NAGLU: variants seen among roughly 807,000 people sequenced by gnomAD.
NAGLU encodes alpha-N-acetylglucosaminidase.
NAGLU carries 34 observed loss-of-function variants against 43.4 expected under a neutral mutation model. That is an observed-to-expected ratio of 0.78 (90% CI 0.60 to 1.04). The LOEUF is 1.04. Among genes scored for constraint, NAGLU ranks in the 50% least tolerant of loss-of-function variants. NAGLU has a pLI of 0.00. For synonymous variants in NAGLU, 425 were observed against 437.6 expected, an observed-to-expected ratio of 0.97 and a Z score of 0.36; for missense variants, 910 against 993.7, an observed-to-expected ratio of 0.92 and a Z score of 1.13.
rs1447306958 is a variant in NAGLU, at chr17:42,543,769, T to C, written c.1763T>C (p.Leu588Pro). The change falls in exon 6 of 6, where the codon CTG becomes CCG. Residue 588 changes from leucine (L) to proline (P), a missense_variant. Leu to Pro is a moderately conservative substitution (Grantham distance 98, BLOSUM62 -3). Coordinates refer to ENST00000225927, the MANE Select transcript of NAGLU (RefSeq NM_000263.4). The part of the protein sequence containing the change: ...EARSAYLSKE[L>P]ASLLRAGGVL... Reference sequence around the variant, plus strand: ...AGAAGCGCCTACCTGAGCAAGGAGCTGGCCTCCCTGTTGAGGGCTGGAGGC... The same window carrying C: ...AGAAGCGCCTACCTGAGCAAGGAGCCGGCCTCCCTGTTGAGGGCTGGAGGC... 4.3e-6 allele frequency: 7 copies of C among 1,610,732 alleles called. No homozygotes were observed. Among genetic ancestry groups the C allele is most frequent in the Non-Finnish European group, 5.9e-6 (7 of 1,179,536 alleles).
chr17:42,539,342 A>C (rs2676535), intron 4 of NAGLU, among the ~76,000 whole-genome samples: 1 of 152,240 alleles, frequency 6.6e-6, no homozygotes, highest in South Asian at 2.1e-4. Flanking sequence ...TGGGAGTGGC[A>C]GCAGGGGTGC....
chr17:42,543,580 T>C lies in NAGLU; in HGVS notation c.1574T>C (p.Met525Thr). ...CTGGTCAGGCGGCCGTCCCTACAGATGAATACCAGCATCTGGTACAACCGA... is the reference window on the plus strand; with the variant it reads ...CTGGTCAGGCGGCCGTCCCTACAGACGAATACCAGCATCTGGTACAACCGA... ...SPLVRRPSLQ[M>T]NTSIWYNRSD... Residue 525 changes from methionine to threonine, a missense_variant, in exon 6 of 6, where the codon ATG becomes ACG. Transcript: ENST00000225927. 6.2e-7 allele frequency: 1 copy of C among 1,612,930 alleles called. No homozygotes were observed. Among genetic ancestry groups the C allele is most frequent in the Non-Finnish European group, 8.5e-7 (1 of 1,179,976 alleles).
At chr17:42,537,155 G>A (rs1254588508) in intron 1 of NAGLU, 2 of 553,914 alleles carry the variant, frequency 3.6e-6, no homozygotes, top group East Asian at 3.3e-5. Context: ...TGGCATGAAA[G>A]TGGAATATGC....
Position 42,540,867 on chromosome 17 carries a change from A to C in NAGLU, c.765-83A>C. The C allele has an allele frequency of 1.9e-6, 3 of 1,596,596 alleles. No individual in the cohort carries two copies. In the South Asian group the frequency reaches 3.3e-5, roughly 18 times the overall value. On this transcript the variant is annotated intron_variant, in intron 4 of 5. Transcript: ENST00000225927. ...AGAGGCAAGAGAAACCAGGAGCTGT[A>C]GAGAAGTTGGCAAGGCTGTTGAACA...
At chr17:42,537,068 T>A (rs945139413) in intron 1 of NAGLU, 7 of 459,922 alleles carry the variant, frequency 1.5e-5, no homozygotes, top group African/African-American at 1.4e-4. Flanking sequence ...TGTCCTCCCC[T>A]GCCCATCTGT....
Position 42,544,165 on chromosome 17 carries a change from G to A in NAGLU, c.2159G>A (p.Arg720Gln), listed in dbSNP as rs774971794. 42 of 1,613,542 alleles carry A rather than the reference G, an allele frequency of 2.6e-5. No homozygotes were observed. The highest frequency in any genetic ancestry group is 1.5e-4 in the Admixed American group (9 of 60,000). ...LSKQRYPSQP[R>Q]GDTVDLAKKI... ...AAGCAGAGGTACCCCAGCCAGCCGC[G>A]AGGAGACACTGTGGACCTGGCCAAG... Residue 720 changes from arginine (R) to glutamine (Q), a missense_variant, in exon 6 of 6, where the codon CGA (arginine) becomes CAA (glutamine). Arg to Gln is a conservative substitution (Grantham distance 43). Coordinates refer to ENST00000225927, the MANE Select transcript of NAGLU (RefSeq NM_000263.4).
intron 1 of NAGLU, chr17:42,537,004 T>C (rs35110933): frequency 0.029 from 13,491 of 457,336 alleles, 1,551 homozygotes; most frequent in African/African-American, 0.24. Context: ...TCCCCCACCC[T>C]ACAGGCCTGT....
rs534242560 is a variant in NAGLU, at chr17:42,541,441, C to T, written c.1021+235C>T. ...ACACCTCGCGCTCCTATTTCCTGGC[C>T]GTGTGACTTATGACTCATGACCTCC... On this transcript the variant is annotated intron_variant, in intron 5 of 5. Coordinates refer to ENST00000225927, the MANE Select transcript of NAGLU (RefSeq NM_000263.4). 3.9e-5 allele frequency among the ~76,000 whole-genome samples: 6 copies of T among 152,298 alleles called. No individual in the cohort carries two copies. The South Asian group carries it at 8.3e-4, about 21-fold the overall frequency.
Position 42,536,554 on chromosome 17 carries a change from C to T in NAGLU, c.282C>T (p.Arg94=), listed in dbSNP as rs866267579. The T allele has an allele frequency of 2.0e-5, 30 of 1,473,840 alleles. No homozygotes were observed. The African/African-American group carries it at 4.0e-4, about 19-fold the overall frequency. The allele number at this position is 1,473,840 out of a possible 1,614,324, so 91.3% of individuals were successfully genotyped here. A position where few individuals can be genotyped will look rare whatever the true frequency, so the allele number is the denominator to read the frequency against. ...AAAAGLHRYL[R]DFCGCHVAWS... ...CCGCGGGGCTGCACCGCTACCTGCG[C>T]GACTTCTGTGGCTGCCACGTGGCCT... is the stretch of plus-strand genomic sequence containing the variant. Residue 94 remains arginine (R), a synonymous_variant, in exon 1 of 6, where the codon CGC becomes CGT. Coordinates refer to ENST00000225927, the MANE Select transcript of NAGLU (RefSeq NM_000263.4).
In NAGLU at chr17:42,536,675, C is replaced by A. The variant is rs1168068741; in HGVS notation, c.383+20C>A. On this transcript the variant is annotated intron_variant, in intron 1 of 5. Transcript: ENST00000225927. ...CAACAGGTACCGCCCCGAAGCTTCC[C>A]CGCGTCCGCCCGAGGCGCTTACCCC... 5.5e-6 allele frequency: 8 copies of A among 1,458,466 alleles called. No homozygotes were observed. Among genetic ancestry groups the A allele is most frequent in the Non-Finnish European group, 7.2e-6 (8 of 1,106,722 alleles). 90.3% of individuals were successfully genotyped at this position (1,458,466 alleles called of 1,614,324 possible). A position where few individuals can be genotyped will look rare whatever the true frequency, so the allele number is the denominator to read the frequency against.
chr17:42,543,123 G>A lies in NAGLU; in HGVS notation c.1117G>A (p.Val373Met), dbSNP rs2092925805. 1 of 1,613,406 alleles carries A rather than the reference G, an allele frequency of 6.2e-7. No homozygotes were observed. The highest frequency in any genetic ancestry group is 8.5e-7 in the Non-Finnish European group (1 of 1,180,048). The change falls in exon 6 of 6, where the codon GTG becomes ATG. Residue 373 changes from valine (V) to methionine (M), a missense_variant. Physicochemically the swap from Val to Met is conservative, Grantham distance 21. Coordinates refer to ENST00000225927, the MANE Select transcript of NAGLU (RefSeq NM_000263.4). Reference protein sequence around the residue: ...PAQIRAVLGAVPRGRLLVLDL... With the variant: ...PAQIRAVLGAMPRGRLLVLDL... ...CCAGATCAGGGCTGTGCTGGGAGCT[G>A]TGCCCCGTGGCCGCCTCCTGGTTCT... is the stretch of plus-strand genomic sequence containing the variant.
chr17:42,541,114 G>T lies in NAGLU; in HGVS notation c.929G>T (p.Gly310Val), dbSNP rs775561029. The T allele has an allele frequency of 6.2e-7, 1 of 1,614,042 alleles. No individual in the cohort carries two copies. The highest frequency in any genetic ancestry group is 1.1e-5 in the South Asian group (1 of 91,080). ...IKEFGTDHIY[G>V]ADTFNEMQPP... ...GAGTTTGGCACAGACCACATCTATG[G>T]GGCCGACACTTTCAATGAGATGCAG... Residue 310 changes from glycine to valine, a missense_variant, in exon 5 of 6, where the codon GGG (glycine) becomes GTG (valine). By Grantham distance (109) the Gly-to-Val change is moderately radical. Coordinates refer to ENST00000225927, the MANE Select transcript of NAGLU (RefSeq NM_000263.4).
chr17:42,537,872 A>G (rs7220481), intron 2 of NAGLU, among the ~76,000 whole-genome samples: 1 of 151,766 alleles, frequency 6.6e-6, no homozygotes, highest in South Asian at 2.1e-4. Context: ...AAAAAAAAAA[A>G]AAAAAAAACT....
At position 42,536,650 on chromosome 17, in the gene NAGLU, C is replaced by T; in HGVS notation, c.378C>T (p.Pro126=). The change falls in exon 1 of 6, where the codon CCC becomes CCT. Residue 126 remains proline (P), a synonymous_variant. Coordinates refer to ENST00000225927, the MANE Select transcript of NAGLU (RefSeq NM_000263.4). ...CGGGGGAGCTGACCGAGGCCACGCCCAACAGGTACCGCCCCGAAGCTTCCC... is the reference window on the plus strand; with the variant it reads ...CGGGGGAGCTGACCGAGGCCACGCCTAACAGGTACCGCCCCGAAGCTTCCC... The part of the protein sequence containing the change: ...AVPGELTEAT[P]NRYRYYQNVC... 6.7e-7 allele frequency: 1 copy of T among 1,500,498 alleles called. No homozygotes were observed. The highest frequency in any genetic ancestry group is 1.2e-5 in the South Asian group (1 of 80,748). 92.9% of individuals were successfully genotyped at this position (1,500,498 alleles called of 1,614,324 possible). A position where few individuals can be genotyped will look rare whatever the true frequency, so the allele number is the denominator to read the frequency against.
chr17:42,543,942 C>G lies in NAGLU; in HGVS notation c.1936C>G (p.Leu646Val). ...CTACGAGCAGAACAGCCGCTACCAG[C>G]TGACCTTGTGGGGGCCAGAAGGCAA... The part of the protein sequence containing the change: ...DFYEQNSRYQ[L>V]TLWGPEGNIL... Residue 646 changes from leucine (L) to valine (V), a missense_variant, in exon 6 of 6, where the codon CTG (leucine) becomes GTG (valine). Physicochemically the swap from Leu to Val is conservative, Grantham distance 32. Coordinates refer to ENST00000225927, the MANE Select transcript of NAGLU (RefSeq NM_000263.4). 6.2e-7 allele frequency: 1 copy of G among 1,608,850 alleles called. No homozygotes were observed. Among genetic ancestry groups the G allele is most frequent in the Non-Finnish European group, 8.5e-7 (1 of 1,177,636 alleles).
intron 2 of NAGLU, 25 bp downstream of exon 2, chr17:42,537,570 A>G: frequency 6.2e-7 from 1 of 1,611,252 alleles, no homozygotes; most frequent in Non-Finnish European, 8.5e-7. Context: ...TCCCTTCCCC[A>G]CCCTCCTCTA....
intron 2 of NAGLU, 140 bp from the exon 3 acceptor site, chr17:42,538,199 G>T (rs762996159): frequency 1.3e-5 from 17 of 1,304,218 alleles, no homozygotes; most frequent in Non-Finnish European, 1.8e-5. Flanking sequence ...TGGGCTGTGG[G>T]CTCCTTGATG....
In NAGLU at chr17:42,544,074, A is replaced by T. The variant is rs143906118; in HGVS notation, c.2068A>T (p.Ile690Phe). 2 of 1,614,006 alleles carry T rather than the reference A, an allele frequency of 1.2e-6. No individual in the cohort carries two copies. Among genetic ancestry groups the T allele is most frequent in the Non-Finnish European group, 1.7e-6 (2 of 1,179,986 alleles). The change falls in exon 6 of 6, where the codon ATC becomes TTC. Residue 690 changes from isoleucine (I) to phenylalanine (F), a missense_variant. Ile to Phe is a conservative substitution (Grantham distance 21). Coordinates refer to ENST00000225927, the MANE Select transcript of NAGLU (RefSeq NM_000263.4). ...EALVDSVAQG[I>F]PFQQHQFDKN... ...GCTGGTTGACAGTGTGGCCCAGGGCATCCCTTTCCAACAGCACCAGTTTGA... is the reference window on the plus strand; with the variant it reads ...GCTGGTTGACAGTGTGGCCCAGGGCTTCCCTTTCCAACAGCACCAGTTTGA...
intron 4 of NAGLU, 84 bp downstream of exon 4, chr17:42,538,839 G>A: frequency 1.3e-6 from 2 of 1,520,344 alleles, no homozygotes; most frequent in Non-Finnish European, 1.8e-6. Context: ...CTTAAGCTCT[G>A]GGCCGGGCGC....
Sources: gnomAD v4.1 joint callset for allele counts (sites outside exome capture counted in the v4.1 genomes callset) on GRCh38, gnomAD v4.1.1 for gene constraint, MANE v1.5 for transcripts, NCBI Gene and HGNC (gene_info 2026-07-23, HGNC 2026-07-21) for gene names.